ABCG5: variants seen among roughly 807,000 people sequenced by gnomAD.
The protein encoded by ABCG5 is ATP-binding cassette sub-family G member 5.
In ABCG5, 64 loss-of-function variants were observed where a neutral mutation model predicts 64.5. The ratio of observed to expected loss-of-function variants is 0.99; its 90% confidence interval spans 0.81 to 1.22. The LOEUF is 1.22. ABCG5 is among the 50% of genes most tolerant of loss of function. The pLI, the probability that ABCG5 is intolerant of heterozygous loss-of-function variation, is 0.00. For missense variants in ABCG5, 908 were observed against 829.5 expected, an observed-to-expected ratio of 1.09 and a Z score of -1.16; for synonymous variants, 385 against 326.3, an observed-to-expected ratio of 1.18 and a Z score of -1.94.
intron 10 of ABCG5, chr2:43,822,470 TCCCCCAGGCC>T: frequency 2.8e-6 from 1 of 354,566 alleles, no homozygotes; most frequent in Non-Finnish European, 3.6e-6. Context: ...CTTTCTCCCC[TCCCCCAGGCC>T]CCCCCCCATG....
In ABCG5 at chr2:43,820,014, G is replaced by C. The variant is rs17031672; in HGVS notation, c.1550C>G (p.Thr517Ser). ...LAPHLIGEFL[T>S]LVLLGIVQNP... is the part of the protein sequence containing the mutation. ...TTGGACGATACCAAGTAGCACAAGA[G>C]TTAGAAATTCACCAATTAAGTGGGG... is the stretch of plus-strand genomic sequence containing the variant. Residue 517 changes from threonine (T) to serine (S), a missense_variant, in exon 11 of 13, where the codon ACT becomes AGT. Physicochemically the swap from Thr to Ser is moderately conservative, Grantham distance 58. Coordinates refer to ENST00000405322, the MANE Select transcript of ABCG5 (RefSeq NM_022436.3). 3,047 of 1,614,222 alleles carry C rather than the reference G, an allele frequency of 1.9e-3. 57 individuals are homozygous for C. The African/African-American group carries it at 0.036, about 19-fold the overall frequency.
At chr2:43,825,978 TTTTG>T (rs1271701400) in intron 6 of ABCG5, among the ~76,000 whole-genome samples, 11 of 151,672 alleles carry the variant, frequency 7.3e-5, no homozygotes, top group African/African-American at 1.9e-4. Context: ...ACTAACGGTT[TTTTG>T]TTTGTTTGTT....
intron 6 of ABCG5, among the ~76,000 whole-genome samples, chr2:43,825,371 G>C (rs1251714368): frequency 6.6e-6 from 1 of 152,170 alleles, no homozygotes; most frequent in East Asian, 1.9e-4. Context: ...GCAGGGGTGG[G>C]TCTTAGTTTG....
intron 10 of ABCG5, 76 bp downstream of exon 10, chr2:43,822,721 G>C (rs1667313414): frequency 6.2e-7 from 1 of 1,605,242 alleles, no homozygotes; most frequent in South Asian, 1.1e-5. Flanking sequence ...TCACCCTGGA[G>C]CTCTCCCTGC....
rs373111482 is a variant in ABCG5 at position 43,831,906 on chromosome 2, G to A, written c.403-39C>T. ...GGGCGTCAGTGTAGCCTAAGCCCCCGGGGCGGGCGGGGGGGCCAGGGGTGT... is the reference window on the plus strand; with the variant it reads ...GGGCGTCAGTGTAGCCTAAGCCCCCAGGGCGGGCGGGGGGGCCAGGGGTGT... On this transcript the variant is annotated intron_variant, in intron 3 of 12. Transcript: ENST00000405322. 4.0e-4 allele frequency: 615 copies of A among 1,547,832 alleles called. 3 individuals are homozygous for A. In the African/African-American group the frequency reaches 7.1e-3, roughly 18 times the overall value.
In ABCG5 at chr2:43,824,278, C is replaced by T. The variant is rs1558743627; in HGVS notation, c.1059G>A (p.Met353Ile). The T allele has an allele frequency of 1.2e-6, 2 of 1,614,068 alleles. No individual in the cohort carries two copies. Among genetic ancestry groups the T allele is most frequent in the African/African-American group, 2.7e-5 (2 of 74,922 alleles). ...GAGAATCTTTGGTTTTGAAAGGAAC[C>T]ATTGGTAACGTTTTCAGGTGTTTCA... is the stretch of plus-strand genomic sequence containing the variant. ...ERMKHLKTLP[M>I]VPFKTKDSPG... Residue 353 changes from methionine (M) to isoleucine (I), a missense_variant, in exon 8 of 13, where the codon ATG becomes ATA. Coordinates refer to ENST00000405322, the MANE Select transcript of ABCG5 (RefSeq NM_022436.3).
At chr2:43,824,571 A>G in intron 7 of ABCG5, 139 bp from the exon 8 acceptor site, 2 of 1,560,408 alleles carry the variant, frequency 1.3e-6, no homozygotes, top group East Asian at 4.6e-5. Context: ...CCACCTATAA[A>G]ATCAGAATAC....
Position 43,838,722 on chromosome 2 carries a change from A to T in ABCG5, c.-43T>A, listed in dbSNP as rs1296031457. 6.2e-7 allele frequency: 1 copy of T among 1,606,240 alleles called. No individual in the cohort carries two copies. Among genetic ancestry groups the T allele is most frequent in the Non-Finnish European group, 8.5e-7 (1 of 1,176,858 alleles). On this transcript the variant is annotated 5_prime_UTR_variant, in exon 1 of 13. Coordinates refer to ENST00000405322, the MANE Select transcript of ABCG5 (RefSeq NM_022436.3). The surrounding 1 kb of genome is among the most constrained non-coding windows in gnomAD (Gnocchi z 4.2). ...GCTGGGCAAATTTTCTGGTGGCCGG[A>T]CCCTCCCCAGAGTGGCTTCAGTTGG...
chr2:43,837,796 A>G (rs1389012670), intron 2 of ABCG5, 38 bp downstream of exon 2: 6 of 1,612,684 alleles, frequency 3.7e-6, no homozygotes, highest in Middle Eastern at 3.3e-4. Flanking sequence ...GTTTAACTCA[A>G]GCCAAATCCT....
At chr2:43,808,288 AAT>A (rs1666344537), downstream of ABCG5, among the ~76,000 whole-genome samples, 1 of 151,974 alleles carries the variant, frequency 6.6e-6, no homozygotes, top group Non-Finnish European at 1.5e-5. Context: ...CACAAGGAAA[AAT>A]TCTTCCTAAG....
At chr2:43,826,573 G>A (rs1435884909) in intron 5 of ABCG5, 52 bp from the exon 6 acceptor site, 2 of 1,613,258 alleles carry the variant, frequency 1.2e-6, no homozygotes, top group Middle Eastern at 3.3e-4. Context: ...CCCAGGCTCT[G>A]TGCTTAAAAC....
At chr2:43,823,061 G>C in intron 9 of ABCG5, 126 bp from the exon 10 acceptor site, 1 of 1,309,908 alleles carries the variant, frequency 7.6e-7, no homozygotes, top group Non-Finnish European at 1.1e-6. Context: ...GGGTTCCCTA[G>C]TCATAGAAGG....
At chr2:43,812,463 G>A (rs1666533032), downstream of ABCG5, 1 of 151,930 alleles carries the variant, frequency 6.6e-6, no homozygotes, top group Admixed American at 6.6e-5. Flanking sequence ...TTTGTCTGGT[G>A]TGCTTTGTTC....
chr2:43,816,896 T>G (rs1051366028), intron 11 of ABCG5, among the ~76,000 whole-genome samples: 6 of 152,348 alleles, frequency 3.9e-5, no homozygotes, highest in South Asian at 4.1e-4. Flanking sequence ...TTGTGAGCAC[T>G]TCTTCCCCCA....
At chr2:43,837,251 C>G (rs1164227501) in intron 2 of ABCG5, among the ~76,000 whole-genome samples, 7 of 151,938 alleles carry the variant, frequency 4.6e-5, no homozygotes, top group South Asian at 4.2e-4. Context: ...TCCCAAGTAG[C>G]TGGGACCGCA....
chr2:43,827,741 C>A (rs1572778539), intron 5 of ABCG5, among the ~76,000 whole-genome samples: 1 of 152,192 alleles, frequency 6.6e-6, no homozygotes, highest in Non-Finnish European at 1.5e-5. Context: ...CAATGGAACA[C>A]TTCAACACCA....
chr2:43,831,858 G>T lies in ABCG5; in HGVS notation c.412C>A (p.Leu138Met). 14 of 1,578,576 alleles carry T rather than the reference G, an allele frequency of 8.9e-6. No homozygotes were observed. Among genetic ancestry groups the T allele is most frequent in the Non-Finnish European group, 1.1e-5 (13 of 1,164,042 alleles). The change falls in exon 4 of 13, where the codon CTG becomes ATG. Residue 138 changes from leucine (L) to methionine (M), a missense_variant. Transcript: ENST00000405322. Reference sequence around the variant, plus strand: ...TCGCGCACGGTGAGGCTGCTCAGCAGGGTGTCGCTCTGCAGGAGACTCGGG... The same window carrying T: ...TCGCGCACGGTGAGGCTGCTCAGCATGGTGTCGCTCTGCAGGAGACTCGGG... ...CFSYVLQSDT[L>M]LSSLTVRETL...
intron 12 of ABCG5, among the ~76,000 whole-genome samples, chr2:43,813,881 G>A (rs1666648290): frequency 6.6e-6 from 1 of 151,788 alleles, no homozygotes; most frequent in South Asian, 2.1e-4. Flanking sequence ...ACCACGCCTG[G>A]CTAATTTTTG....
rs773776535 is a variant in ABCG5 at position 43,824,048 on chromosome 2, C to T, written c.1189G>A (p.Gly397Ser). ...ITRLLQNLIM[G>S]LFLLFFVLRV... is the part of the protein sequence containing the mutation. ...AGAACGAAGAAAAGGAGGAACAAAC[C>T]CATGATCAGATTCTGAAGGAGACGC... Residue 397 changes from glycine to serine, a missense_variant, in exon 9 of 13, where the codon GGT becomes AGT. Gly to Ser is a moderately conservative substitution (Grantham distance 56). Transcript: ENST00000405322. The T allele has an allele frequency of 5.4e-5, 87 of 1,614,090 alleles. No individual in the cohort carries two copies. Among genetic ancestry groups the T allele is most frequent in the Non-Finnish European group, 6.9e-5 (82 of 1,180,046 alleles).
Sources: gnomAD v4.1 joint callset for allele counts (sites outside exome capture counted in the v4.1 genomes callset) on GRCh38, gnomAD v4.1.1 for gene constraint, Gnocchi (gnomAD v3.1) non-coding constraint, MANE v1.5 for transcripts, NCBI Gene and HGNC (gene_info 2026-07-23, HGNC 2026-07-21) for gene names.